The following EXPH5 variants were observed in gnomAD, a reference collection of about 807,000 sequenced individuals.
The protein encoded by EXPH5 is exophilin 5.
A neutral mutation model predicts 41.1 loss-of-function variants in EXPH5; 42 were observed. The observed-to-expected ratio is 1.02, with a 90% CI of 0.80 to 1.32. The LOEUF (loss-of-function observed/expected upper bound fraction) is 1.32, where lower values mean the gene tolerates loss of function less well. Ranked by LOEUF, EXPH5 falls within the 40% of genes most tolerant of loss-of-function variation. EXPH5 has a pLI of 0.00. For missense variants in EXPH5, 2,298 were observed against 2,314.5 expected (o/e 0.99, Z 0.15); for synonymous variants, 798 against 833.5 (o/e 0.96, Z 0.73).
At chr11:108,588,764 TAA>T (rs1307604731) in intron 1 of EXPH5, among the ~76,000 whole-genome samples, 1 of 152,170 alleles carries the variant, frequency 6.6e-6, no homozygotes, top group Non-Finnish European at 1.5e-5. Flanking sequence ...CTTTATAAGC[TAA>T]AAGAGTTATA....
rs562472806 is a variant in EXPH5 at position 108,508,109 on chromosome 11, G to C, written c.*1428C>G. 1 of 152,114 alleles carries C rather than the reference G, an allele frequency of 6.6e-6. No individual in the cohort carries two copies. The allele number at this position is 152,114 out of a possible 1,614,324, so 9.4% of individuals were successfully genotyped here. On this transcript the variant is annotated 3_prime_UTR_variant, in exon 6 of 6. Transcript: ENST00000265843. ...CAGGAGAATTGCCTGAACTTGGGAG[G>C]AGGAGGTTGCAGTAAGCTGAGATCA...
intron 1 of EXPH5, among the ~76,000 whole-genome samples, chr11:108,590,045 C>G (rs10890867): frequency 6.6e-6 from 1 of 152,182 alleles, no homozygotes; most frequent in East Asian, 1.9e-4. Flanking sequence ...GTGGCCATCT[C>G]CTCCACCTTA....
chr11:108,551,900 A>G (rs1218724806), intron 1 of EXPH5: 1 of 152,100 alleles, frequency 6.6e-6, no homozygotes. Context: ...AATGGAGAGG[A>G]TGGGGCAGGA....
At chr11:108,542,770 G>A (rs1181109834) in intron 1 of EXPH5, among the ~76,000 whole-genome samples, 2 of 152,174 alleles carry the variant, frequency 1.3e-5, no homozygotes, top group East Asian at 3.8e-4. Context: ...CCAGGCTGGA[G>A]CGCAGTGGTG....
At chr11:108,603,205 T>C in the EXPH5 span, among the ~76,000 whole-genome samples, 1 of 152,202 alleles carries the variant, frequency 6.6e-6, no homozygotes. Flanking sequence ...TCTCAGGTAG[T>C]TCTTTATAGC....
intron 1 of EXPH5, among the ~76,000 whole-genome samples, chr11:108,545,618 A>C (rs553408456): frequency 4.6e-5 from 7 of 152,192 alleles, no homozygotes; most frequent in Admixed American, 3.9e-4. Flanking sequence ...AAAAAAGTAA[A>C]TAAGGCTGAG....
intron 1 of EXPH5, among the ~76,000 whole-genome samples, chr11:108,562,003 TC>T (rs1331650756): frequency 1.3e-5 from 2 of 152,180 alleles, no homozygotes; most frequent in Non-Finnish European, 2.9e-5. Context: ...ACATTCCGGT[TC>T]CTGAGGACTG....
intron 1 of EXPH5, among the ~76,000 whole-genome samples, chr11:108,563,110 G>A (rs1213973311): frequency 2.0e-5 from 3 of 152,206 alleles, no homozygotes; most frequent in Non-Finnish European, 4.4e-5. Flanking sequence ...GACAGAGGGA[G>A]GATCTGTGAG....
In EXPH5 at chr11:108,528,169, T is replaced by C; in HGVS notation, c.459A>G (p.Ala153=). 6.2e-7 allele frequency: 1 copy of C among 1,610,670 alleles called. No homozygotes were observed. ...SLGQKGCDGH[A]GPPMPVRGAA... ...CTCCCCTCACAGGCATAGGAGGTCC[T>C]GCATGGCCATCACATCTGTGGAAAT... is the stretch of plus-strand genomic sequence containing the variant. Residue 153 remains alanine, a synonymous_variant, in exon 4 of 6, where the codon GCA becomes GCG. Transcript: ENST00000265843.
chr11:108,562,265 G>GTTTTTTTTTT (rs35527615), intron 1 of EXPH5, among the ~76,000 whole-genome samples: 3 of 104,594 alleles, frequency 2.9e-5, no homozygotes, highest in East Asian at 4.6e-4. Flanking sequence ...TTTTTTCTGT[G>GTTTTTTTTTT]TTTTTTTTTT....
intron 5 of EXPH5, among the ~76,000 whole-genome samples, chr11:108,515,839 G>A (rs543529276): frequency 1.3e-5 from 2 of 152,070 alleles, no homozygotes; most frequent in South Asian, 2.1e-4. Flanking sequence ...TTGGGAGGCC[G>A]AGGCGGGCGG....
chr11:108,603,938 G>A, the EXPH5 span, among the ~76,000 whole-genome samples: 2 of 152,282 alleles, frequency 1.3e-5, no homozygotes, highest in African/African-American at 4.8e-5. Context: ...GGAAAAGATG[G>A]CTGGGATTCT....
chr11:108,508,319 A>C lies in EXPH5; in HGVS notation c.*1218T>G, dbSNP rs2093655424. 6.6e-6 allele frequency: 1 copy of C among 152,478 alleles called. No individual in the cohort carries two copies. The highest frequency in any genetic ancestry group is 1.5e-5 in the Non-Finnish European group (1 of 68,318). The allele number at this position is 152,478 out of a possible 1,614,324, so 9.4% of individuals were successfully genotyped here. On this transcript the variant is annotated 3_prime_UTR_variant, in exon 6 of 6. Transcript: ENST00000265843. ...GAGACCAGCCTGGGCAACACGGTGA[A>C]ACCCCGTCTCTACTAAAATACAAAA...
intron 1 of EXPH5, among the ~76,000 whole-genome samples, chr11:108,578,502 C>G (rs2094087061): frequency 6.6e-6 from 1 of 152,082 alleles, no homozygotes; most frequent in African/African-American, 2.4e-5. Context: ...GCTCAGGATT[C>G]ATTTGGCTAT....
chr11:108,518,225 A>G lies in EXPH5; in HGVS notation c.631+10T>C, dbSNP rs537733633. 2.5e-6 allele frequency: 4 copies of G among 1,609,774 alleles called. No individual in the cohort carries two copies. In the African/African-American group the frequency reaches 4.0e-5, roughly 16 times the overall value. ...AGTAGTTGCAAAGGCAATTTAATGCATGAACTTACCTTGGAAAAACTCATT... is the reference window on the plus strand; with the variant it reads ...AGTAGTTGCAAAGGCAATTTAATGCGTGAACTTACCTTGGAAAAACTCATT... On this transcript the variant is annotated intron_variant, in intron 5 of 5. Coordinates refer to ENST00000265843, the MANE Select transcript of EXPH5 (RefSeq NM_015065.3).
intron 3 of EXPH5, among the ~76,000 whole-genome samples, chr11:108,532,366 ATTTTTTTTT>A (rs1168217383): frequency 8.7e-4 from 28 of 32,100 alleles, no homozygotes; most frequent in African/African-American, 2.2e-3. Context: ...ATATATATAT[ATTTTTTTTT>A]TTTTTTTTTT....
At chr11:108,599,847 G>A in the EXPH5 span, among the ~76,000 whole-genome samples, 1 of 152,230 alleles carries the variant, frequency 6.6e-6, no homozygotes, top group African/African-American at 2.4e-5. Context: ...CTGATGGGAT[G>A]CAGGCTTTAA....
intron 1 of EXPH5, among the ~76,000 whole-genome samples, chr11:108,552,566 G>A (rs935454076): frequency 1.3e-4 from 20 of 152,118 alleles, no homozygotes; most frequent in African/African-American, 4.6e-4. Flanking sequence ...CTTCAACTCC[G>A]TGAATGGCTG....
In EXPH5 at chr11:108,509,854, C is replaced by G. The variant is rs1205042314; in HGVS notation, c.5653G>C (p.Asp1885His). The change falls in exon 6 of 6, where the codon GAC becomes CAC. Residue 1885 changes from aspartate (D) to histidine (H), a missense_variant. Physicochemically the swap from Asp to His is moderately conservative, Grantham distance 81. Transcript: ENST00000265843. Reference sequence around the variant, plus strand: ...TGTTCTTTCCCAAAGATCCCATAGTCGATAGGTCTGTATATAGATATTGCA... The same window carrying G: ...TGTTCTTTCCCAAAGATCCCATAGTGGATAGGTCTGTATATAGATATTGCA... ...RSAISIYRPI[D>H]YGIFGKEQQL... 1 of 1,613,218 alleles carries G rather than the reference C, an allele frequency of 6.2e-7. No individual in the cohort carries two copies. Among genetic ancestry groups the G allele is most frequent in the African/African-American group, 1.3e-5 (1 of 74,840 alleles).
Sources: allele counts gnomAD v4.1 joint callset (sites outside exome capture counted in the v4.1 genomes callset), GRCh38; gene constraint gnomAD v4.1.1; transcripts MANE v1.5; gene names NCBI Gene and HGNC (gene_info 2026-07-23, HGNC 2026-07-21).